Variants in RANBP2 observed in about 807,000 individuals in gnomAD.
RANBP2 encodes the protein E3 SUMO-protein ligase RanBP2.
In RANBP2, 57 loss-of-function variants were observed where a neutral mutation model predicts 303.6. The ratio of observed to expected loss-of-function variants is 0.19; its 90% CI spans 0.15 to 0.23. The LOEUF (loss-of-function observed/expected upper bound fraction) is 0.23, where lower values mean the gene tolerates loss of function less well. RANBP2 is among the 10% of genes least tolerant of loss of function. RANBP2 has a pLI of 1.00. For synonymous variants in RANBP2, 1,167 were observed against 1,301.5 expected (o/e 0.90, Z 2.23); for missense variants, 3,138 against 3,780.8 (o/e 0.83, Z 4.46).
chr2:109,600,789 G>A, the RANBP2 span, among the ~76,000 whole-genome samples: 1 of 152,158 alleles, frequency 6.6e-6, no homozygotes, highest in East Asian at 1.9e-4. Flanking sequence ...GCCAGCCCCA[G>A]GTTATTTTCC....
chr2:109,227,723 A>G, the RANBP2 span, among the ~76,000 whole-genome samples: 1 of 152,220 alleles, frequency 6.6e-6, no homozygotes, highest in Non-Finnish European at 1.5e-5. Flanking sequence ...TGCAAGTGCC[A>G]GAATCTTGTG....
the RANBP2 span, among the ~76,000 whole-genome samples, chr2:109,570,133 C>T: frequency 6.6e-6 from 1 of 152,134 alleles, no homozygotes; most frequent in Non-Finnish European, 1.5e-5. Context: ...GGTTAACTTC[C>T]TGTCTAGTTT....
At position 108,781,327 on chromosome 2, in the gene RANBP2, A is replaced by G; in HGVS notation, c.8658A>G (p.Gly2886=). The G allele has an allele frequency of 6.2e-7, 1 of 1,614,206 alleles. No homozygotes were observed. The highest frequency in any genetic ancestry group is 8.5e-7 in the Non-Finnish European group (1 of 1,180,032). The part of the protein sequence containing the change: ...GAAVFGTQSV[G]TQSAGKVGED... Reference sequence around the variant, plus strand: ...CTGTGTTTGGAACACAGTCAGTCGGAACCCAGTCAGCCGGTAAAGTTGGTG... The same window carrying G: ...CTGTGTTTGGAACACAGTCAGTCGGGACCCAGTCAGCCGGTAAAGTTGGTG... The change falls in exon 26 of 29, where the codon GGA becomes GGG. Residue 2886 remains glycine (G), a synonymous_variant. Transcript: ENST00000283195.
chr2:108,907,857 C>T, the RANBP2 span: 14 of 1,613,468 alleles, frequency 8.7e-6, no homozygotes, highest in South Asian at 1.4e-4. Flanking sequence ...GCAGGAGCCT[C>T]ACCCCGGCTG....
chr2:108,928,884 A>G, the RANBP2 span, among the ~76,000 whole-genome samples: 1 of 152,226 alleles, frequency 6.6e-6, no homozygotes, highest in African/African-American at 2.4e-5. Flanking sequence ...TCTTTTTCCC[A>G]AAGTGTTTCA....
chr2:109,335,553 C>T, the RANBP2 span, among the ~76,000 whole-genome samples: 2 of 152,200 alleles, frequency 1.3e-5, no homozygotes, highest in African/African-American at 4.8e-5. Flanking sequence ...TATCCCCATC[C>T]CAGTGTTCAT....
the RANBP2 span, among the ~76,000 whole-genome samples, chr2:109,107,523 G>T: frequency 6.6e-6 from 1 of 152,084 alleles, no homozygotes; most frequent in Non-Finnish European, 1.5e-5. Flanking sequence ...AGCTTCAGCT[G>T]GGTTGAATCA....
At chr2:109,390,373 C>T in the RANBP2 span, among the ~76,000 whole-genome samples, 140 of 152,312 alleles carry the variant, frequency 9.2e-4, no homozygotes, top group African/African-American at 3.0e-3. Context: ...CTAATCAGGC[C>T]GTTCTGCTGC....
the RANBP2 span, among the ~76,000 whole-genome samples, chr2:109,107,969 G>A: frequency 6.6e-6 from 1 of 151,496 alleles, no homozygotes; most frequent in Admixed American, 6.6e-5. Flanking sequence ...GCAGTGGCAT[G>A]ACCTCCGCTC....
At chr2:109,344,794 G>A in the RANBP2 span, among the ~76,000 whole-genome samples, 1 of 152,154 alleles carries the variant, frequency 6.6e-6, no homozygotes, top group African/African-American at 2.4e-5. Flanking sequence ...CAGCTGAGTG[G>A]GGATTTCATG....
At chr2:109,231,900 T>C in the RANBP2 span, among the ~76,000 whole-genome samples, 2 of 152,252 alleles carry the variant, frequency 1.3e-5, no homozygotes, top group East Asian at 3.8e-4. Context: ...TAATTTGCCC[T>C]TTTAAAGTGT....
At chr2:108,797,448 A>G in the RANBP2 span, among the ~76,000 whole-genome samples, 3 of 152,242 alleles carry the variant, frequency 2.0e-5, no homozygotes, top group African/African-American at 4.8e-5. Context: ...ATAGAGGAAT[A>G]TGGGCTGAAG....
chr2:109,247,886 G>A, the RANBP2 span, among the ~76,000 whole-genome samples: 3 of 152,162 alleles, frequency 2.0e-5, no homozygotes, highest in Non-Finnish European at 4.4e-5. Flanking sequence ...TAGCCTGGGC[G>A]TCTTCATGTG....
chr2:108,788,594 C>T (rs1483013729), downstream of RANBP2, among the ~76,000 whole-genome samples: 3 of 151,686 alleles, frequency 2.0e-5, no homozygotes, highest in African/African-American at 7.3e-5. Context: ...GTGGCGGGCT[C>T]CTGTAGTCCC....
the RANBP2 span, chr2:109,615,209 C>G: frequency 2.6e-6 from 4 of 1,545,908 alleles, no homozygotes; most frequent in Non-Finnish European, 2.6e-6. Flanking sequence ...GAGGCGGGGG[C>G]GACTCAGACA....
chr2:109,614,650 C>A, the RANBP2 span: 1 of 1,472,416 alleles, frequency 6.8e-7, no homozygotes, highest in South Asian at 1.3e-5. Context: ...CGCGCCCGCG[C>A]GCACTTCAAG....
chr2:109,579,600 C>T, the RANBP2 span, among the ~76,000 whole-genome samples: 1 of 151,004 alleles, frequency 6.6e-6, no homozygotes, highest in Non-Finnish European at 1.5e-5. Context: ...TCAGGCTGGT[C>T]TCAAACTCCT....
the RANBP2 span, among the ~76,000 whole-genome samples, chr2:109,348,429 C>T: frequency 6.6e-6 from 1 of 152,318 alleles, no homozygotes; most frequent in East Asian, 1.9e-4. Flanking sequence ...CTCTAGGGCA[C>T]CTGAGGCAGG....
the RANBP2 span, among the ~76,000 whole-genome samples, chr2:108,941,907 T>A: frequency 6.6e-6 from 1 of 151,678 alleles, no homozygotes; most frequent in Non-Finnish European, 1.5e-5. Context: ...AGGTGGGAGC[T>A]TATCAGGTCA....
Sources: allele counts gnomAD v4.1 joint callset (sites outside exome capture counted in the v4.1 genomes callset), GRCh38; gene constraint gnomAD v4.1.1; transcripts MANE v1.5; gene names NCBI Gene and HGNC (gene_info 2026-07-23, HGNC 2026-07-21).